The following SGCZ variants were observed in gnomAD, a reference collection of about 807,000 sequenced individuals.
SGCZ encodes the protein zeta-sarcoglycan.
In SGCZ, 40 loss-of-function variants were observed where a neutral mutation model predicts 41.3. The ratio of observed to expected loss-of-function variants is 0.97; its 90% CI spans 0.75 to 1.26. The LOEUF is 1.26. SGCZ is among the 50% of genes most tolerant of loss of function. The pLI is 0.00. For synonymous variants in SGCZ, 206 were observed against 137.5 expected, an observed-to-expected ratio of 1.50 and a Z score of -3.49; for missense variants, 552 against 369.8, an observed-to-expected ratio of 1.49 and a Z score of -4.04.
At chr8:14,221,489 C>A (rs905614332) in intron 4 of SGCZ, among the ~76,000 whole-genome samples, 3 of 152,140 alleles carry the variant, frequency 2.0e-5, no homozygotes, top group Non-Finnish European at 4.4e-5. Flanking sequence ...TAATACTGAA[C>A]CAATGCACTG....
intron 1 of SGCZ, among the ~76,000 whole-genome samples, chr8:15,112,506 A>T (rs905759425): frequency 6.6e-6 from 1 of 152,224 alleles, no homozygotes; most frequent in African/African-American, 2.4e-5. Flanking sequence ...AGACATAGAG[A>T]CAACATCTCC....
intron 1 of SGCZ, among the ~76,000 whole-genome samples, chr8:15,206,236 C>T (rs542651811): frequency 1.0e-3 from 154 of 152,112 alleles, no homozygotes; most frequent in African/African-American, 3.5e-3. Context: ...CTTAGGGCCA[C>T]GGTAGTCAGG....
At chr8:14,870,164 T>C (rs1025931139) in intron 1 of SGCZ, among the ~76,000 whole-genome samples, 2 of 152,108 alleles carry the variant, frequency 1.3e-5, no homozygotes, top group African/African-American at 4.8e-5. Context: ...ACTACCTGAC[T>C]TCAAACTATG....
At chr8:14,901,337 G>C (rs533381296) in intron 1 of SGCZ, among the ~76,000 whole-genome samples, 105 of 152,294 alleles carry the variant, frequency 6.9e-4, no homozygotes, top group African/African-American at 2.5e-3. Context: ...ATGCATGGGA[G>C]TAGCTCCCAA....
Position 14,783,370 on chromosome 8 carries a change from G to C in SGCZ, c.40-228444C>G, listed in dbSNP as rs536835231. Among the ~76,000 whole-genome samples, 72 of 151,636 alleles carry C rather than the reference G, an allele frequency of 4.7e-4. 1 individual carries two copies. The highest frequency in any genetic ancestry group is 9.4e-4 in the African/African-American group (39 of 41,314). ...AATCACTTGAACCCGGTAGGTGGAA[G>C]TTGCAGTGAGCTGAGATAGCACCAC... is the stretch of plus-strand genomic sequence containing the variant. On this transcript the variant is annotated intron_variant, in intron 1 of 7. Coordinates refer to ENST00000382080, the MANE Select transcript of SGCZ (RefSeq NM_139167.4).
chr8:15,181,066 G>A (rs1012130159), intron 1 of SGCZ, among the ~76,000 whole-genome samples: 1 of 151,788 alleles, frequency 6.6e-6, no homozygotes, highest in Non-Finnish European at 1.5e-5. Flanking sequence ...TGAAAATCTT[G>A]CCACTCAATA....
chr8:14,323,981 G>T (rs1219126583), intron 3 of SGCZ, 122 bp downstream of exon 3: 2 of 604,428 alleles, frequency 3.3e-6, no homozygotes, highest in Non-Finnish European at 5.7e-6. Context: ...CTAAACATAG[G>T]TGTTTAGCTT....
chr8:14,325,235 G>A (rs143815256), intron 2 of SGCZ, among the ~76,000 whole-genome samples: 2,003 of 152,092 alleles, frequency 0.013, 27 homozygotes, highest in Middle Eastern at 0.024. Context: ...GCATAATTGC[G>A]TAGTAGTTTG....
chr8:14,259,058 C>G (rs957430499), intron 3 of SGCZ, among the ~76,000 whole-genome samples: 18 of 152,216 alleles, frequency 1.2e-4, no homozygotes, highest in Non-Finnish European at 2.5e-4. Context: ...TCCCTCTATA[C>G]TTTAGTTTTT....
chr8:14,988,292 A>G (rs1347108621), intron 1 of SGCZ, among the ~76,000 whole-genome samples: 1 of 152,040 alleles, frequency 6.6e-6, no homozygotes, highest in Non-Finnish European at 1.5e-5. Context: ...AAGGACAAAC[A>G]TGCTAAGAAA....
intron 2 of SGCZ, among the ~76,000 whole-genome samples, chr8:14,381,966 T>C (rs1804382866): frequency 1.3e-5 from 2 of 152,196 alleles, no homozygotes; most frequent in Admixed American, 1.3e-4. Flanking sequence ...AGGAGATTAG[T>C]TCCTTGTTGG....
chr8:14,608,461 A>G (rs892734790), intron 1 of SGCZ, among the ~76,000 whole-genome samples: 1 of 151,934 alleles, frequency 6.6e-6, no homozygotes, highest in Non-Finnish European at 1.5e-5. Context: ...CGGGGGGCAG[A>G]TGTGTCATAT....
chr8:14,315,497 ACAGT>A (rs1353010296), intron 3 of SGCZ, among the ~76,000 whole-genome samples: 1 of 152,102 alleles, frequency 6.6e-6, no homozygotes, highest in East Asian at 1.9e-4. Context: ...AGGATAAAAA[ACAGT>A]CAAAGCAAAG....
At position 14,842,395 on chromosome 8, in the gene SGCZ, CAAG is replaced by C. The variant is rs951122679; in HGVS notation, c.40-287472_40-287470del. 2.9e-5 allele frequency among the ~76,000 whole-genome samples: 4 copies of C among 137,248 alleles called. No individual in the cohort carries two copies. In the Admixed American group the frequency reaches 3.1e-4, roughly 11 times the overall value. The allele number at this position is 137,248 out of a possible 152,430, so 90.0% of individuals were successfully genotyped here. On this transcript the variant is annotated intron_variant, in intron 1 of 7. Coordinates refer to ENST00000382080, the MANE Select transcript of SGCZ (RefSeq NM_139167.4). Reference sequence around the variant, plus strand: ...AGAGAAGAAAGGAAGGAAGACAAAACAAGAGAGAGAAACAAGAAAGGATGGAAA... The same window carrying C: ...AGAGAAGAAAGGAAGGAAGACAAAACAGAGAGAAACAAGAAAGGATGGAAA...
intron 1 of SGCZ, among the ~76,000 whole-genome samples, chr8:14,909,922 C>G (rs1263846288): frequency 6.6e-6 from 1 of 151,958 alleles, no homozygotes. Flanking sequence ...TATGCTTAGC[C>G]AAAAACTGTA....
rs565096802 is a variant in SGCZ, at chr8:14,359,027, A to C, written c.235-34823T>G. Among the ~76,000 whole-genome samples the C allele has an allele frequency of 4.6e-4, 70 of 152,220 alleles. 2 individuals carry two copies. The highest frequency in any genetic ancestry group is 1.4e-3 in the African/African-American group (60 of 41,540). On this transcript the variant is annotated intron_variant, in intron 2 of 7. Transcript: ENST00000382080. ...ATTCTAAAATACATGACTTTCTTTTAATTAGGATTTTTCTTCCTTAAAAAC... is the reference window on the plus strand; with the variant it reads ...ATTCTAAAATACATGACTTTCTTTTCATTAGGATTTTTCTTCCTTAAAAAC...
intron 1 of SGCZ, among the ~76,000 whole-genome samples, chr8:15,219,776 G>A (rs1013503903): frequency 6.6e-6 from 1 of 152,150 alleles, no homozygotes; most frequent in Non-Finnish European, 1.5e-5. Context: ...GTCTCATTAT[G>A]AATTTGAAGG....
chr8:14,353,904 G>A (rs1378684976), intron 2 of SGCZ, among the ~76,000 whole-genome samples: 1 of 152,030 alleles, frequency 6.6e-6, no homozygotes, highest in African/African-American at 2.4e-5. Context: ...TAACCACCCA[G>A]ATTCTAAGAG....
intron 1 of SGCZ, among the ~76,000 whole-genome samples, chr8:15,188,980 C>T (rs1302147774): frequency 6.6e-6 from 1 of 151,340 alleles, no homozygotes; most frequent in Non-Finnish European, 1.5e-5. Flanking sequence ...TTCACTCATT[C>T]ATTAAATATC....
Sources: allele counts gnomAD v4.1 joint callset (sites outside exome capture counted in the v4.1 genomes callset), GRCh38; gene constraint gnomAD v4.1.1; transcripts MANE v1.5; gene names NCBI Gene and HGNC (gene_info 2026-07-23, HGNC 2026-07-21).